Variants in SREBF2 observed in about 807,000 individuals in gnomAD.
The protein encoded by SREBF2 is sterol regulatory element binding transcription factor 2, also known as sterol regulatory element-binding protein 2.
SREBF2 carries 55 observed loss-of-function variants against 113.1 expected under a neutral mutation model. The observed-to-expected ratio is 0.49, with a 90% CI of 0.39 to 0.61. SREBF2 has a LOEUF of 0.61. SREBF2 is among the 20% of genes least tolerant of loss of function. SREBF2 has a pLI of 0.00. For missense variants in SREBF2, 1,349 were observed against 1,487.4 expected, an observed-to-expected ratio of 0.91 and a Z score of 1.53; for synonymous variants, 593 against 605.7, an observed-to-expected ratio of 0.98 and a Z score of 0.31.
At chr22:41,874,462 T>C (rs1008404656) in intron 5 of SREBF2, among the ~76,000 whole-genome samples, 1 of 152,258 alleles carries the variant, frequency 6.6e-6, no homozygotes, top group African/African-American at 2.4e-5. Context: ...GTTCCAAATG[T>C]TTCTGGTGTT....
intron 1 of SREBF2, among the ~76,000 whole-genome samples, chr22:41,842,904 C>T (rs2076842673): frequency 6.6e-6 from 1 of 151,914 alleles, no homozygotes; most frequent in Non-Finnish European, 1.5e-5. Flanking sequence ...GCAGGAGAAT[C>T]GCTTGAATCC....
chr22:41,905,708 T>TC lies in SREBF2; in HGVS notation c.*53dup, dbSNP rs750615465. The stretch of plus-strand genomic sequence containing the variant: ...CCACCTCTCTCTCGATTTCTCTCTC[T>TC]CCCCCTCAGCATCTTCCCGCTGAGA... On this transcript the variant is annotated 3_prime_UTR_variant, in exon 19 of 19. Transcript: ENST00000361204. 2.0e-6 allele frequency: 3 copies of TC among 1,508,826 alleles called. No homozygotes were observed. The highest frequency in any genetic ancestry group is 1.2e-5 in the South Asian group (1 of 83,012). The allele number at this position is 1,508,826 out of a possible 1,614,324, so 93.5% of individuals were successfully genotyped here.
chr22:41,900,920 G>T, intron 16 of SREBF2: 1 of 537,666 alleles, frequency 1.9e-6, no homozygotes. Context: ...CTCCTTGGCT[G>T]GCCGCATACC....
At chr22:41,899,456 G>C in intron 15 of SREBF2, 1 of 996,428 alleles carries the variant, frequency 1.0e-6, no homozygotes, top group South Asian at 4.4e-5. Context: ...AATGCTCCAA[G>C]ACAGAAAGGC....
intron 7 of SREBF2, 73 bp from the exon 8 acceptor site, chr22:41,877,156 A>T: frequency 7.1e-7 from 1 of 1,401,088 alleles, no homozygotes; most frequent in African/African-American, 1.4e-5. Flanking sequence ...TTCTCAATAT[A>T]TATATATGTA....
rs77563263 is a variant in SREBF2 at position 41,885,557 on chromosome 22, C to T, written c.2208+546C>T. On this transcript the variant is annotated intron_variant, in intron 11 of 18. Transcript: ENST00000361204. ...CTGTCTACAAGGAGCTCAGGTCAGA[C>T]GAGGGCAGGGATTGTGGCTATCAAG... 3.1e-3 allele frequency: 548 copies of T among 174,668 alleles called. 4 individuals carry two copies. The highest frequency in any genetic ancestry group is 0.012 in the African/African-American group (502 of 41,954). 10.8% of individuals were successfully genotyped at this position (174,668 alleles called of 1,614,324 possible).
intron 10 of SREBF2, among the ~76,000 whole-genome samples, chr22:41,882,589 T>C (rs1438648384): frequency 6.6e-6 from 1 of 152,214 alleles, no homozygotes; most frequent in East Asian, 1.9e-4. Flanking sequence ...GTGGATCACC[T>C]GAGGTCAGGA....
intron 10 of SREBF2, among the ~76,000 whole-genome samples, chr22:41,883,063 A>G (rs867020818): frequency 1.7e-4 from 26 of 152,196 alleles, no homozygotes; most frequent in Non-Finnish European, 5.9e-5. Context: ...GCGAGCTGTG[A>G]TTGTGCCACT....
chr22:41,868,836 T>G (rs1376342184), intron 3 of SREBF2, 44 bp downstream of exon 3: 1 of 1,566,648 alleles, frequency 6.4e-7, no homozygotes, highest in Admixed American at 1.9e-5. Flanking sequence ...GTTGGGGCTG[T>G]TAACTGGTCC....
At position 41,833,164 on chromosome 22, in the gene SREBF2, G is replaced by A. The variant is rs1190021314; in HGVS notation, c.-107G>A. 1 of 818,202 alleles carries A rather than the reference G, an allele frequency of 1.2e-6. No individual in the cohort carries two copies. Among genetic ancestry groups the A allele is most frequent in the African/African-American group, 1.8e-5 (1 of 55,452 alleles). The allele number at this position is 818,202 out of a possible 1,614,324, so 50.7% of individuals were successfully genotyped here. ...GGCGGCGGGTGGCACCCGTCGGTGAGGCGGTGCCGGGCGGGGGTTGTCGGG... is the reference window on the plus strand; with the variant it reads ...GGCGGCGGGTGGCACCCGTCGGTGAAGCGGTGCCGGGCGGGGGTTGTCGGG... On this transcript the variant is annotated 5_prime_UTR_variant, in exon 1 of 19. Transcript: ENST00000361204. This position sits in a 1 kb window ranked among gnomAD's most constrained non-coding sequence, Gnocchi z 4.1.
At chr22:41,890,228 T>C (rs1050383778) in intron 11 of SREBF2, among the ~76,000 whole-genome samples, 1 of 152,164 alleles carries the variant, frequency 6.6e-6, no homozygotes, top group Non-Finnish European at 1.5e-5. Context: ...CTAGCAACCA[T>C]CACTCTCTCT....
rs367924676 is a variant in SREBF2, at chr22:41,903,084, C to T, written c.3022C>T (p.Leu1008=). The change falls in exon 17 of 19, where the codon CTG becomes TTG. Residue 1008 remains leucine, a synonymous_variant. Coordinates refer to ENST00000361204, the MANE Select transcript of SREBF2 (RefSeq NM_004599.4). Reference sequence around the variant, plus strand: ...GACCTACCACGCGTCAGGCGCTGAACTGGCGGGCTTCCAACGGGACCTGGG... The same window carrying T: ...GACCTACCACGCGTCAGGCGCTGAATTGGCGGGCTTCCAACGGGACCTGGG... ...GETYHASGAE[L]AGFQRDLGSL... 15 of 1,586,048 alleles carry T rather than the reference C, an allele frequency of 9.5e-6. No homozygotes were observed. The highest frequency in any genetic ancestry group is 1.2e-5 in the Non-Finnish European group (14 of 1,166,104).
rs576280126 is a variant in SREBF2, at chr22:41,871,913, A to C, written c.867+878A>C. Reference sequence around the variant, plus strand: ...GACTGACTCTCAAAAAAAAAAAAAAAAGCTACTGATGCATGAAACAACATG... The same window carrying C: ...GACTGACTCTCAAAAAAAAAAAAAACAGCTACTGATGCATGAAACAACATG... On this transcript the variant is annotated intron_variant, in intron 4 of 18. Transcript: ENST00000361204. 2.0e-5 allele frequency among the ~76,000 whole-genome samples: 3 copies of C among 150,300 alleles called. No homozygotes were observed. The East Asian group carries it at 5.9e-4, about 30-fold the overall frequency.
intron 12 of SREBF2, 128 bp downstream of exon 12, chr22:41,893,413 T>C (rs1017343784): frequency 3.8e-6 from 4 of 1,046,828 alleles, no homozygotes; most frequent in Middle Eastern, 2.7e-4. Flanking sequence ...TTTGTTTGTT[T>C]GTTTGTTTGT....
At chr22:41,854,565 C>T (rs572200301) in intron 1 of SREBF2, among the ~76,000 whole-genome samples, 38 of 151,884 alleles carry the variant, frequency 2.5e-4, no homozygotes, top group Admixed American at 1.0e-3. Flanking sequence ...AGAAAAACAT[C>T]TTTAAGATTT....
At chr22:41,899,932 A>G (rs1359536724) in intron 15 of SREBF2, 9 of 1,138,720 alleles carry the variant, frequency 7.9e-6, no homozygotes, top group Non-Finnish European at 9.8e-6. Flanking sequence ...GAAGCTAACT[A>G]AGTATCTCCA....
chr22:41,842,161 TCAAAA>T (rs1424326468), intron 1 of SREBF2, among the ~76,000 whole-genome samples: 1 of 152,194 alleles, frequency 6.6e-6, no homozygotes, highest in African/African-American at 2.4e-5. Context: ...TTCATATGAA[TCAAAA>T]TAAAATACAT....
Position 41,884,885 on chromosome 22 carries a change from G to A in SREBF2, c.2082G>A (p.Ala694=), listed in dbSNP as rs112435452. The change falls in exon 11 of 19, where the codon GCG becomes GCA. Residue 694 remains alanine, a synonymous_variant. Transcript: ENST00000361204. ...CCGCCTGTTCCGATGTACACATGGC[G>A]TTGTGTGCCGTGAACCTGGCTGAAT... The part of the protein sequence containing the change: ...AGSACSDVHM[A]LCAVNLAECA... The A allele has an allele frequency of 6.0e-3, 9,685 of 1,614,218 alleles. 222 individuals carry two copies. Among genetic ancestry groups the A allele is most frequent in the South Asian group, 0.055 (4,987 of 91,078 alleles).
intron 1 of SREBF2, among the ~76,000 whole-genome samples, chr22:41,862,207 A>G (rs368931656): frequency 4.6e-5 from 7 of 152,100 alleles, no homozygotes; most frequent in African/African-American, 1.7e-4. Context: ...TATTTATGTT[A>G]CCTCCAAGCC....
Sources: allele counts gnomAD v4.1 joint callset (sites outside exome capture counted in the v4.1 genomes callset), GRCh38; gene constraint gnomAD v4.1.1; non-coding constraint Gnocchi (gnomAD v3.1); transcripts MANE v1.5; gene names NCBI Gene and HGNC (gene_info 2026-07-23, HGNC 2026-07-21).